Variants in UST observed in about 807,000 individuals in gnomAD.
The protein encoded by UST is chondroitin sulfate 2-O-sulfotransferase.
A neutral mutation model predicts 45.6 loss-of-function variants in UST; 21 were observed. The ratio of observed to expected loss-of-function variants is 0.46; its 90% CI spans 0.33 to 0.66. UST has a LOEUF of 0.66. UST is among the 30% of genes least tolerant of loss of function. UST has a pLI of 0.02. For synonymous variants in UST, 215 were observed against 200.6 expected (o/e 1.07, Z -0.61); for missense variants, 463 against 512.4 (o/e 0.90, Z 0.93).
chr6:149,045,137 A>C (rs907899689), intron 7 of UST, among the ~76,000 whole-genome samples: 2 of 151,450 alleles, frequency 1.3e-5, no homozygotes, highest in African/African-American at 4.9e-5. Flanking sequence ...GTCCCAGGGC[A>C]GGGTCTTTAC....
chr6:148,755,358 A>C (rs577549047), intron 1 of UST, among the ~76,000 whole-genome samples: 1 of 152,358 alleles, frequency 6.6e-6, no homozygotes, highest in South Asian at 2.1e-4. Context: ...TGTTTTTACA[A>C]AAATGACAGA....
chr6:149,061,635 A>G (rs777242300), intron 7 of UST, among the ~76,000 whole-genome samples: 3 of 152,258 alleles, frequency 2.0e-5, no homozygotes, highest in East Asian at 1.9e-4. Context: ...CATTTCATGC[A>G]GATGGGTGTG....
chr6:148,761,181 T>C (rs1776210960), intron 1 of UST, among the ~76,000 whole-genome samples: 1 of 152,184 alleles, frequency 6.6e-6, no homozygotes, highest in Non-Finnish European at 1.5e-5. Flanking sequence ...TCCAAGCACG[T>C]GCGGCCAAGT....
intron 5 of UST, among the ~76,000 whole-genome samples, chr6:149,011,221 A>C (rs1775805087): frequency 6.6e-6 from 1 of 152,226 alleles, no homozygotes; most frequent in South Asian, 2.1e-4. Context: ...CAGAAAGACA[A>C]ATTTTGCAAG....
intron 2 of UST, among the ~76,000 whole-genome samples, chr6:148,921,301 T>C (rs1304773199): frequency 6.6e-6 from 1 of 152,186 alleles, no homozygotes; most frequent in African/African-American, 2.4e-5. Context: ...GAGAATAATT[T>C]AGTGCCAAGC....
At chr6:148,894,392 G>T (rs1325200307) in intron 2 of UST, among the ~76,000 whole-genome samples, 1 of 152,180 alleles carries the variant, frequency 6.6e-6, no homozygotes, top group Admixed American at 6.5e-5. Flanking sequence ...TATAAGAAGA[G>T]GGAAATTTGG....
At chr6:148,821,992 T>C (rs1777475535) in intron 1 of UST, among the ~76,000 whole-genome samples, 1 of 152,216 alleles carries the variant, frequency 6.6e-6, no homozygotes, top group Non-Finnish European at 1.5e-5. Context: ...GTTCCCTTAC[T>C]TTATAATAAA....
chr6:148,849,578 C>G (rs192854345), intron 1 of UST, among the ~76,000 whole-genome samples: 50 of 152,268 alleles, frequency 3.3e-4, no homozygotes, highest in African/African-American at 1.1e-3. Context: ...AATTGACTCA[C>G]CATTCTGCAG....
intron 1 of UST, among the ~76,000 whole-genome samples, chr6:148,774,937 GAA>G (rs1471045399): frequency 6.6e-6 from 1 of 152,110 alleles, no homozygotes; most frequent in Non-Finnish European, 1.5e-5. Flanking sequence ...AGAATCACTT[GAA>G]CCTGGGATGC....
At chr6:148,959,036 T>C (rs988304845) in intron 4 of UST, 1 of 152,116 alleles carries the variant, frequency 6.6e-6, no homozygotes, top group African/African-American at 2.4e-5. Flanking sequence ...CCGGTGCCAA[T>C]AGTAACTTGC....
chr6:148,952,726 T>A (rs1409986830), intron 3 of UST, among the ~76,000 whole-genome samples: 1 of 152,220 alleles, frequency 6.6e-6, no homozygotes, highest in Non-Finnish European at 1.5e-5. Flanking sequence ...ATGACTGGTT[T>A]TGTTTCCAGT....
At chr6:148,755,820 A>G (rs1167507859) in intron 1 of UST, among the ~76,000 whole-genome samples, 1 of 152,108 alleles carries the variant, frequency 6.6e-6, no homozygotes, top group South Asian at 2.1e-4. Flanking sequence ...GCTAGATGTC[A>G]TCTCTATAGT....
At chr6:148,804,979 T>C (rs1777119634) in intron 1 of UST, among the ~76,000 whole-genome samples, 1 of 152,114 alleles carries the variant, frequency 6.6e-6, no homozygotes, top group Non-Finnish European at 1.5e-5. Flanking sequence ...AATGAAAATA[T>C]ACTTGCAAAC....
chr6:148,829,755 C>T (rs1393947691), intron 1 of UST, among the ~76,000 whole-genome samples: 1 of 152,164 alleles, frequency 6.6e-6, no homozygotes, highest in African/African-American at 2.4e-5. Flanking sequence ...CTTTGTAGTC[C>T]TCTTCTTTCT....
intron 1 of UST, among the ~76,000 whole-genome samples, chr6:148,828,787 A>G (rs999956209): frequency 2.0e-5 from 3 of 152,260 alleles, no homozygotes; most frequent in African/African-American, 7.2e-5. Flanking sequence ...ACTAAGTATC[A>G]GACACTTTTC....
At chr6:148,881,323 G>A (rs1778819126) in intron 1 of UST, among the ~76,000 whole-genome samples, 1 of 152,164 alleles carries the variant, frequency 6.6e-6, no homozygotes, top group Non-Finnish European at 1.5e-5. Flanking sequence ...GAATGGGAAT[G>A]TGTGAAGTTT....
chr6:148,837,951 C>T (rs1372756790), intron 1 of UST, among the ~76,000 whole-genome samples: 1 of 152,200 alleles, frequency 6.6e-6, no homozygotes, highest in African/African-American at 2.4e-5. Context: ...AATGTGCCCA[C>T]CTTGGCTGGC....
At chr6:148,908,614 A>G (rs1386111277) in intron 2 of UST, among the ~76,000 whole-genome samples, 1 of 152,196 alleles carries the variant, frequency 6.6e-6, no homozygotes, top group Admixed American at 6.5e-5. Context: ...GTGTTAAACG[A>G]ATTTAGATTT....
intron 1 of UST, among the ~76,000 whole-genome samples, chr6:148,858,818 G>A (rs1778253381): frequency 6.6e-6 from 1 of 152,122 alleles, no homozygotes; most frequent in Non-Finnish European, 1.5e-5. Context: ...CTCTACAAAG[G>A]ACGTGAACTC....
Sources: allele counts gnomAD v4.1 joint callset (sites outside exome capture counted in the v4.1 genomes callset), GRCh38; gene constraint gnomAD v4.1.1; transcripts MANE v1.5; gene names NCBI Gene and HGNC (gene_info 2026-07-23, HGNC 2026-07-21).